PCM1: variants seen among roughly 807,000 people sequenced by gnomAD.
The protein encoded by PCM1 is pericentriolar material 1 protein.
In PCM1, 157 loss-of-function variants were observed where a neutral mutation model predicts 241.9. The ratio of observed to expected loss-of-function variants is 0.65; its 90% CI spans 0.57 to 0.74. The LOEUF (loss-of-function observed/expected upper bound fraction) is 0.74. Ranked by LOEUF, PCM1 falls within the 30% of genes least tolerant of loss-of-function variation. PCM1 has a pLI of 0.00. For missense variants in PCM1, 3,478 were observed against 2,360.1 expected (o/e 1.47, Z -9.81); for synonymous variants, 1,085 against 784.9 (o/e 1.38, Z -6.39).
intron 30 of PCM1, among the ~76,000 whole-genome samples, chr8:18,008,333 C>G (rs193079649): frequency 1.3e-5 from 2 of 151,848 alleles, no homozygotes; most frequent in African/African-American, 4.8e-5. Flanking sequence ...TGACCTGTCA[C>G]TGTCTCCCAT....
chr8:17,954,198 C>T (rs1035938816), intron 9 of PCM1, among the ~76,000 whole-genome samples: 3 of 152,182 alleles, frequency 2.0e-5, no homozygotes, highest in East Asian at 1.9e-4. Flanking sequence ...GAGGCTGAGG[C>T]GGGTGGATCA....
intron 24 of PCM1, chr8:17,983,135 C>G (rs2081474228): frequency 2.2e-6 from 1 of 451,262 alleles, no homozygotes; most frequent in Non-Finnish European, 3.5e-6. Context: ...AAGAAATTCG[C>G]TTATTTCTTT....
At chr8:17,969,033 CGTT>C (rs1232547455) in intron 21 of PCM1, among the ~76,000 whole-genome samples, 1 of 152,016 alleles carries the variant, frequency 6.6e-6, no homozygotes, top group Admixed American at 6.6e-5. Context: ...TTTCCCCACA[CGTT>C]GTTAGTAGCC....
chr8:17,938,193 A>C (rs1204691506), intron 4 of PCM1, among the ~76,000 whole-genome samples: 1 of 152,164 alleles, frequency 6.6e-6, no homozygotes, highest in Non-Finnish European at 1.5e-5. Context: ...AAAACTTTTT[A>C]AGTGCCAACA....
At chr8:17,990,779 C>T (rs2129478384) in intron 27 of PCM1, among the ~76,000 whole-genome samples, 1 of 152,154 alleles carries the variant, frequency 6.6e-6, no homozygotes, top group Admixed American at 6.6e-5. Context: ...GGTATTTTTC[C>T]ACTATAAAGA....
Position 18,011,730 on chromosome 8 carries a change from A to G in PCM1, c.5414A>G (p.Asp1805Gly). Residue 1805 changes from aspartate to glycine, a missense_variant, in exon 34 of 39, where the codon GAT becomes GGT. Physicochemically the swap from Asp to Gly is moderately conservative, Grantham distance 94. Coordinates refer to ENST00000325083, the MANE Select transcript of PCM1 (RefSeq NM_006197.4). Reference protein sequence around the residue: ...NYGSGEDENEDEEMEEFEEGP... With the variant: ...NYGSGEDENEGEEMEEFEEGP... ...GGAAGTGGAGAAGATGAAAATGAGG[A>G]TGAAGAAATGGAAGAATTTGAAGAA... 1 of 1,613,562 alleles carries G rather than the reference A, an allele frequency of 6.2e-7. No individual in the cohort carries two copies. The highest frequency in any genetic ancestry group is 8.5e-7 in the Non-Finnish European group (1 of 1,179,654).
At chr8:18,021,095 T>C (rs1376075022) in intron 36 of PCM1, among the ~76,000 whole-genome samples, 1 of 152,170 alleles carries the variant, frequency 6.6e-6, no homozygotes, top group East Asian at 1.9e-4. Flanking sequence ...GGATAATTTG[T>C]TCAGTAAACA....
rs894737686 is a variant in PCM1, at chr8:17,985,960, A to T, written c.4283A>T (p.Asp1428Val). The T allele has an allele frequency of 1.3e-6, 2 of 1,529,650 alleles. No homozygotes were observed. The highest frequency in any genetic ancestry group is 1.4e-5 in the African/African-American group (1 of 72,336). 94.8% of individuals were successfully genotyped at this position (1,529,650 alleles called of 1,614,324 possible). A position where few individuals can be genotyped will look rare whatever the true frequency, so the allele number is the denominator to read the frequency against. Residue 1428 changes from aspartate to valine, a missense_variant and splice_region_variant, in exon 26 of 39, where the codon GAC (aspartate) becomes GTC (valine). By Grantham distance (152) the Asp-to-Val change is radical (BLOSUM62 -3). Coordinates refer to ENST00000325083, the MANE Select transcript of PCM1 (RefSeq NM_006197.4). The part of the protein sequence containing the change: ...LRQRALYALQ[D>V]IVSRHISESH... ...TGATGATCTTATTTTCTTATTTAGG[A>T]CATAGTATCCAGACATATTTCTGAG...
intron 17 of PCM1, among the ~76,000 whole-genome samples, chr8:17,963,995 C>G (rs2073768333): frequency 6.6e-6 from 1 of 152,140 alleles, no homozygotes; most frequent in South Asian, 2.1e-4. Flanking sequence ...GTTCTGGGTA[C>G]TACACGTCTG....
chr8:17,949,541 G>A (rs1586498119), intron 7 of PCM1, among the ~76,000 whole-genome samples: 1 of 6,980 alleles, frequency 1.4e-4, no homozygotes, highest in Admixed American at 2.1e-3. Flanking sequence ...CTGTCACCCA[G>A]GCTGGAATAC....
At chr8:17,950,567 A>T in intron 7 of PCM1, 48 bp from the exon 8 acceptor site, 1 of 892,054 alleles carries the variant, frequency 1.1e-6, no homozygotes, top group Non-Finnish European at 1.8e-6. Context: ...AGATTAAAAA[A>T]GGTGTTTGAT....
rs747719384 is a variant in PCM1, at chr8:18,011,193, C to T, written c.5221-44C>T. On this transcript the variant is annotated intron_variant, in intron 32 of 38. Transcript: ENST00000325083. ...ATAGACTTACTATATACCTTTTACACATGTACTTTAAGGAATTAATTACTC... is the reference window on the plus strand; with the variant it reads ...ATAGACTTACTATATACCTTTTACATATGTACTTTAAGGAATTAATTACTC... 9.0e-6 allele frequency: 13 copies of T among 1,442,904 alleles called. No individual in the cohort carries two copies. In the Admixed American group the frequency reaches 1.3e-4, roughly 14 times the overall value. The allele number at this position is 1,442,904 out of a possible 1,614,324, so 89.4% of individuals were successfully genotyped here.
chr8:17,987,735 C>A (rs138574061), intron 26 of PCM1, among the ~76,000 whole-genome samples: 22 of 151,982 alleles, frequency 1.4e-4, no homozygotes, highest in African/African-American at 5.1e-4. Flanking sequence ...ACTCACAGAT[C>A]TGAAGCAGCA....
chr8:17,975,304 C>G (rs1172392791), intron 23 of PCM1, among the ~76,000 whole-genome samples: 1 of 152,124 alleles, frequency 6.6e-6, no homozygotes, highest in African/African-American at 2.4e-5. Flanking sequence ...GCTGGGATTA[C>G]AGGCATGTGC....
intron 2 of PCM1, chr8:17,926,502 A>G (rs577862455): frequency 6.6e-5 from 10 of 152,072 alleles, no homozygotes; most frequent in South Asian, 4.1e-4. Flanking sequence ...AAAAGTATCT[A>G]TGTGTATGTA....
chr8:17,983,169 T>C (rs2081500107), intron 24 of PCM1: 3 of 777,004 alleles, frequency 3.9e-6, no homozygotes, highest in Admixed American at 3.0e-5. Context: ...ATTCATGTTA[T>C]AGACCCTGTC....
At chr8:17,934,698 T>C (rs1047475998) in intron 2 of PCM1, 1 of 152,186 alleles carries the variant, frequency 6.6e-6, no homozygotes, top group Non-Finnish European at 1.5e-5. Flanking sequence ...CAACCTCTCC[T>C]CTTTCAGCTA....
At chr8:17,951,854 A>T (rs752337521) in intron 8 of PCM1, among the ~76,000 whole-genome samples, 1 of 152,194 alleles carries the variant, frequency 6.6e-6, no homozygotes, top group Non-Finnish European at 1.5e-5. Context: ...AAATTTGACT[A>T]AGCATAATGG....
Position 17,991,700 on chromosome 8 carries a change from G to A in PCM1, c.4690G>A (p.Glu1564Lys), listed in dbSNP as rs2084684978. The change falls in exon 28 of 39, where the codon GAA (glutamate) becomes AAA (lysine). Residue 1564 changes from glutamate (E) to lysine (K), a missense_variant and splice_region_variant. Transcript: ENST00000325083. ...GAGTTVNNLE[E>K]TPVIENRSSQ... ...AGGTACTACAGTTAATAATTTAGAA[G>A]GTATATATTTTTGTTTTCGGTAGGT... 3 of 1,542,358 alleles carry A rather than the reference G, an allele frequency of 1.9e-6. No individual in the cohort carries two copies. In the East Asian group the frequency reaches 7.4e-5, roughly 38 times the overall value.
Sources: gnomAD v4.1 joint callset for allele counts (sites outside exome capture counted in the v4.1 genomes callset) on GRCh38, gnomAD v4.1.1 for gene constraint, MANE v1.5 for transcripts, NCBI Gene and HGNC (gene_info 2026-07-23, HGNC 2026-07-21) for gene names.